Variants in NEO1 observed in about 807,000 individuals in gnomAD.
NEO1 encodes the protein neogenin 1.
Under a neutral mutation model 159.7 loss-of-function variants are expected in NEO1, and 63 were observed. That is an observed-to-expected ratio of 0.39 (90% CI 0.32 to 0.49). The LOEUF (loss-of-function observed/expected upper bound fraction) is 0.49. Among genes scored for constraint, NEO1 ranks in the 20% least tolerant of loss-of-function variants. The pLI, the probability that NEO1 is intolerant of heterozygous loss-of-function variation, is 0.85. For synonymous variants in NEO1, 633 were observed against 662.0 expected (o/e 0.96, Z 0.67); for missense variants, 1,615 against 1,831.0 (o/e 0.88, Z 2.15).
At chr15:73,137,900 A>G (rs2031936401) in intron 5 of NEO1, among the ~76,000 whole-genome samples, 1 of 152,264 alleles carries the variant, frequency 6.6e-6, no homozygotes, top group African/African-American at 2.4e-5. Flanking sequence ...TAACACATGG[A>G]GTAAAATCTA....
chr15:73,052,405 A>ACCGCCCCC (rs2067484470), upstream of NEO1: 1 of 19,602 alleles, frequency 5.1e-5, no homozygotes, highest in African/African-American at 1.7e-4. Flanking sequence ...CTGGAGACCG[A>ACCGCCCCC]CCCACCGCCC....
chr15:73,218,838 A>T (rs1003081439), intron 7 of NEO1, among the ~76,000 whole-genome samples: 2 of 152,046 alleles, frequency 1.3e-5, no homozygotes, highest in African/African-American at 4.8e-5. Context: ...TCTTGCTAGC[A>T]GTCTATCAAT....
At chr15:73,100,230 A>G (rs1259048722) in intron 1 of NEO1, among the ~76,000 whole-genome samples, 1 of 152,124 alleles carries the variant, frequency 6.6e-6, no homozygotes, top group Non-Finnish European at 1.5e-5. Context: ...CATAGTCTCC[A>G]GTCGTTCCAG....
At chr15:73,251,098 A>G (rs185258271) in intron 11 of NEO1, among the ~76,000 whole-genome samples, 10 of 152,334 alleles carry the variant, frequency 6.6e-5, no homozygotes, top group Admixed American at 4.6e-4. Context: ...CATATACATA[A>G]TAGTAAGATA....
chr15:73,264,228 C>G (rs916858831), intron 15 of NEO1, among the ~76,000 whole-genome samples: 1 of 152,076 alleles, frequency 6.6e-6, no homozygotes, highest in Non-Finnish European at 1.5e-5. Flanking sequence ...CAGCTTCATA[C>G]TGTTTCCTTT....
intron 8 of NEO1, 61 bp downstream of exon 8, chr15:73,236,567 C>A: frequency 2.1e-6 from 3 of 1,454,636 alleles, no homozygotes; most frequent in African/African-American, 1.4e-5. Context: ...CCTTGTCATG[C>A]TCACCCTGGC....
intron 4 of NEO1, among the ~76,000 whole-genome samples, chr15:73,132,112 G>T (rs746161727): frequency 6.6e-6 from 1 of 152,134 alleles, no homozygotes; most frequent in Admixed American, 6.6e-5. Flanking sequence ...TGACAGCACT[G>T]ATTGTGTTTT....
rs2041985821 is a variant in NEO1, at chr15:73,164,133, T to C, written c.1016-12270T>C. 2.6e-5 allele frequency among the ~76,000 whole-genome samples: 4 copies of C among 151,702 alleles called. 1 individual carries two copies. The South Asian group carries it at 8.3e-4, about 32-fold the overall frequency. Reference sequence around the variant, plus strand: ...ACCTCTGCCTCCCATGTTCAAGCGATTCTCCTGCCTCAGCCTCCCAAGTAG... The same window carrying C: ...ACCTCTGCCTCCCATGTTCAAGCGACTCTCCTGCCTCAGCCTCCCAAGTAG... On this transcript the variant is annotated intron_variant, in intron 5 of 28. Transcript: ENST00000261908.
At chr15:73,117,670 G>A (rs1204130245) in intron 2 of NEO1, among the ~76,000 whole-genome samples, 1 of 152,156 alleles carries the variant, frequency 6.6e-6, no homozygotes, top group African/African-American at 2.4e-5. Flanking sequence ...CCCATCTCAT[G>A]CTCACTCCAG....
rs2042703654 is a variant in NEO1, at chr15:73,303,883, A to G, written c.*1187A>G. ...CTGCTATTATTGGCTCTCTTTGAGG[A>G]AGTTGGAGGTTAAGGAAGGAACTTG... On this transcript the variant is annotated 3_prime_UTR_variant, in exon 29 of 29. Coordinates refer to ENST00000261908, the MANE Select transcript of NEO1 (RefSeq NM_002499.4). The G allele has an allele frequency of 6.6e-6, 1 of 152,146 alleles. No individual in the cohort carries two copies. The highest frequency in any genetic ancestry group is 6.5e-5 in the Admixed American group (1 of 15,272). 9.4% of individuals were successfully genotyped at this position (152,146 alleles called of 1,614,324 possible).
chr15:73,226,350 G>A (rs950194176), intron 7 of NEO1, among the ~76,000 whole-genome samples: 1 of 152,200 alleles, frequency 6.6e-6, no homozygotes, highest in African/African-American at 2.4e-5. Flanking sequence ...TCCAAAGAAT[G>A]CCTGCATGGG....
In NEO1 at chr15:73,244,326, CA is replaced by C. The variant is rs1192283178; in HGVS notation, c.1452-15del. 6.2e-7 allele frequency: 1 copy of C among 1,606,320 alleles called. No individual in the cohort carries two copies. Among genetic ancestry groups the C allele is most frequent in the Non-Finnish European group, 8.5e-7 (1 of 1,175,976 alleles). ...ATTCCTAATTAATGCTATCTCTCTC[CA>C]AATCCTTTGTCTAAAGGGAACGTGT... On this transcript the variant is annotated splice_polypyrimidine_tract_variant and intron_variant, in intron 8 of 28. Coordinates refer to ENST00000261908, the MANE Select transcript of NEO1 (RefSeq NM_002499.4).
intron 21 of NEO1, among the ~76,000 whole-genome samples, chr15:73,275,392 G>A (rs1390976768): frequency 2.0e-5 from 3 of 152,188 alleles, no homozygotes; most frequent in African/African-American, 7.2e-5. Context: ...GCTCAGGCCT[G>A]TAATCCCAGC....
At chr15:73,163,000 G>A (rs1228871215) in intron 5 of NEO1, 1 of 153,850 alleles carries the variant, frequency 6.5e-6, no homozygotes, top group Non-Finnish European at 1.5e-5. Flanking sequence ...TAAGAGAACA[G>A]CCACACAGGA....
chr15:73,186,230 T>C (rs913362576), intron 7 of NEO1, among the ~76,000 whole-genome samples: 1 of 148,364 alleles, frequency 6.7e-6, no homozygotes, highest in Non-Finnish European at 1.5e-5. Context: ...TAAAAAAAAA[T>C]AATTAAGGGG....
intron 1 of NEO1, among the ~76,000 whole-genome samples, chr15:73,097,802 AGT>A (rs2070160010): frequency 5.3e-5 from 2 of 37,622 alleles, no homozygotes; most frequent in Admixed American, 4.8e-4. Context: ...TTTTTTTGTA[AGT>A]TCTTTTCAGT....
At chr15:73,272,758 T>G (rs2151044357) in intron 19 of NEO1, among the ~76,000 whole-genome samples, 196 bp downstream of exon 19, 2 of 152,174 alleles carry the variant, frequency 1.3e-5, no homozygotes, top group Admixed American at 1.3e-4. Flanking sequence ...TAAAATGGGT[T>G]GCCTGTTGGT....
Position 73,253,385 on chromosome 15 carries a change from T to G in NEO1, c.1895-15T>G. 1.9e-6 allele frequency: 3 copies of G among 1,547,178 alleles called. No homozygotes were observed. Among genetic ancestry groups the G allele is most frequent in the African/African-American group, 2.8e-5 (2 of 71,790 alleles). Reference sequence around the variant, plus strand: ...GATTAAAAAAAAAATTTTTTTTTTTTTTTTGTTTCTCTAGTTCCCAGTGCT... The same window carrying G: ...GATTAAAAAAAAAATTTTTTTTTTTGTTTTGTTTCTCTAGTTCCCAGTGCT... On this transcript the variant is annotated splice_polypyrimidine_tract_variant and intron_variant, in intron 11 of 28. Coordinates refer to ENST00000261908, the MANE Select transcript of NEO1 (RefSeq NM_002499.4).
intron 7 of NEO1, among the ~76,000 whole-genome samples, chr15:73,203,085 C>G (rs1197472818): frequency 6.6e-6 from 1 of 152,136 alleles, no homozygotes; most frequent in Non-Finnish European, 1.5e-5. Context: ...GTACAAAGAT[C>G]TCTTTGAGAC....
Sources: allele counts gnomAD v4.1 joint callset (sites outside exome capture counted in the v4.1 genomes callset), GRCh38; gene constraint gnomAD v4.1.1; transcripts MANE v1.5; gene names NCBI Gene and HGNC (gene_info 2026-07-23, HGNC 2026-07-21).